Variants in SH2D2A observed in about 807,000 individuals in gnomAD.
SH2D2A encodes the protein SH2 domain-containing protein 2A.
Under a neutral mutation model 43.6 loss-of-function variants are expected in SH2D2A, and 33 were observed. The ratio of observed to expected loss-of-function variants is 0.76; its 90% CI spans 0.57 to 1.01. The LOEUF is 1.01. SH2D2A is among the 50% of genes least tolerant of loss of function. The pLI, the probability that SH2D2A is intolerant of heterozygous loss-of-function variation, is 0.00. For synonymous variants in SH2D2A, 212 were observed against 206.1 expected, an observed-to-expected ratio of 1.03 and a Z score of -0.25; for missense variants, 491 against 503.1, an observed-to-expected ratio of 0.98 and a Z score of 0.23.
At position 156,809,606 on chromosome 1, in the gene SH2D2A, C is replaced by T. The variant is rs1571611805; in HGVS notation, c.714+55G>A. The T allele has an allele frequency of 6.4e-7, 1 of 1,573,622 alleles. No homozygotes were observed. Among genetic ancestry groups the T allele is most frequent in the Non-Finnish European group, 8.6e-7 (1 of 1,161,150 alleles). On this transcript the variant is annotated intron_variant, in intron 6 of 8. Coordinates refer to ENST00000368199, the MANE Select transcript of SH2D2A (RefSeq NM_003975.4). This position sits in a 1 kb window ranked among gnomAD's most constrained non-coding sequence, Gnocchi z 4.8. ...CTAGGCCCCTCCTCCTCCCCGCTGC[C>T]TGCACCCCCTCGCAGGCCTGTCCTC...
Position 156,807,666 on chromosome 1 carries a change from G to A in SH2D2A, c.1003-321C>T, listed in dbSNP as rs1211953384. Among the ~76,000 whole-genome samples, 1 of 152,212 alleles carries A rather than the reference G, an allele frequency of 6.6e-6. No individual in the cohort carries two copies. Among genetic ancestry groups the A allele is most frequent in the Non-Finnish European group, 1.5e-5 (1 of 68,042 alleles). On this transcript the variant is annotated intron_variant, in intron 7 of 8. Transcript: ENST00000368199. The surrounding 1 kb of genome is among the most constrained non-coding windows in gnomAD (Gnocchi z 5.1). ...CAGTGGCATGGCAGGTGTGTGTAAG[G>A]CACAGGGGGTGGCCTCTGAGAAGGG...
intron 1 of SH2D2A, 24 bp from the exon 2 acceptor site, chr1:156,816,118 G>A (rs779560691): frequency 3.0e-5 from 48 of 1,600,822 alleles, no homozygotes; most frequent in South Asian, 9.1e-5. Flanking sequence ...GAGGGCTGCC[G>A]GGGTTTCTCA....
At chr1:156,806,748 G>C (rs1652993735) in intron 8 of SH2D2A, among the ~76,000 whole-genome samples, 175 bp from the exon 9 acceptor site, 1 of 152,208 alleles carries the variant, frequency 6.6e-6, no homozygotes, top group African/African-American at 2.4e-5. Context: ...ACTAAACAGG[G>C]AATCAGGAAG....
rs1242388204 is a variant in SH2D2A at position 156,807,607 on chromosome 1, AAG to A, written c.1003-264_1003-263del. Among the ~76,000 whole-genome samples, 3 of 152,140 alleles carry A rather than the reference AAG, an allele frequency of 2.0e-5. No homozygotes were observed. The highest frequency in any genetic ancestry group is 2.9e-5 in the Non-Finnish European group (2 of 68,022). ...TCTAAACTAGGGAAGGGACAGAGAG[AAG>A]GAGATGGGAGGAGATGGATGTCTCA... On this transcript the variant is annotated intron_variant, in intron 7 of 8. Transcript: ENST00000368199. This position sits in a 1 kb window ranked among gnomAD's most constrained non-coding sequence, Gnocchi z 5.1.
In SH2D2A at chr1:156,807,254, G is replaced by T; in HGVS notation, c.1094C>A (p.Thr365Asn). The change falls in exon 8 of 9, where the codon ACC (threonine) becomes AAC (asparagine). Residue 365 changes from threonine to asparagine, a missense_variant. By Grantham distance (65) the Thr-to-Asn change is moderately conservative. Transcript: ENST00000368199. This position sits in a 1 kb window ranked among gnomAD's most constrained non-coding sequence, Gnocchi z 5.1. Reference sequence around the variant, plus strand: ...CTGTCTAGAAAGATTGTGGGGGAGGGTGTGTCTCCAGGCGGGTGGGGGCTG... The same window carrying T: ...CTGTCTAGAAAGATTGTGGGGGAGGTTGTGTCTCCAGGCGGGTGGGGGCTG... ...PHQPPPAWRH[T>N]LPHNLSRQVL... 1 of 1,588,030 alleles carries T rather than the reference G, an allele frequency of 6.3e-7. No homozygotes were observed.
At chr1:156,808,523 C>G (rs900478057) in intron 7 of SH2D2A, among the ~76,000 whole-genome samples, 2 of 152,000 alleles carry the variant, frequency 1.3e-5, no homozygotes, top group African/African-American at 4.8e-5. Context: ...GCCTGGGGCA[C>G]CAGCAAGGAG....
Position 156,807,162 on chromosome 1 carries a change from A to G in SH2D2A, c.*3+13T>C. On this transcript the variant is annotated intron_variant, in intron 8 of 8. Coordinates refer to ENST00000368199, the MANE Select transcript of SH2D2A (RefSeq NM_003975.4). The surrounding 1 kb of genome is among the most constrained non-coding windows in gnomAD (Gnocchi z 5.1). Reference sequence around the variant, plus strand: ...CTGATGCTCCAAGTTATCCTCACCAAGCTCAGACTTACCGCCTACTGAGGA... The same window carrying G: ...CTGATGCTCCAAGTTATCCTCACCAGGCTCAGACTTACCGCCTACTGAGGA... 1 of 1,611,458 alleles carries G rather than the reference A, an allele frequency of 6.2e-7. No individual in the cohort carries two copies. Among genetic ancestry groups the G allele is most frequent in the African/African-American group, 1.3e-5 (1 of 74,898 alleles).
intron 1 of SH2D2A, among the ~76,000 whole-genome samples, chr1:156,816,368 G>T (rs1483878876): frequency 2.0e-5 from 3 of 152,158 alleles, no homozygotes; most frequent in African/African-American, 7.2e-5. Flanking sequence ...GGTCAGGGAG[G>T]CAGATCACTT....
intron 5 of SH2D2A, among the ~76,000 whole-genome samples, chr1:156,813,104 G>C (rs780118741): frequency 6.6e-6 from 1 of 152,146 alleles, no homozygotes; most frequent in South Asian, 2.1e-4. Flanking sequence ...CTTGTTCATG[G>C]GTCTGTTCTC....
chr1:156,814,018 T>C lies in SH2D2A; in HGVS notation c.399-2A>G. ...AAGTGGCGGCAGCAAGTCCGGCTCCTGGAGGGCGCCGTTAGGGATCAGACT... is the reference window on the plus strand; with the variant it reads ...AAGTGGCGGCAGCAAGTCCGGCTCCCGGAGGGCGCCGTTAGGGATCAGACT... On this transcript the variant is annotated splice_acceptor_variant, in intron 4 of 8. Transcript: ENST00000368199. LOFTEE classifies it high-confidence loss of function. The C allele has an allele frequency of 6.6e-7, 1 of 1,504,260 alleles. No homozygotes were observed. Among genetic ancestry groups the C allele is most frequent in the Non-Finnish European group, 8.9e-7 (1 of 1,125,518 alleles). The allele number at this position is 1,504,260 out of a possible 1,614,324, so 93.2% of individuals were successfully genotyped here. A position where few individuals can be genotyped will look rare whatever the true frequency, so the allele number is the denominator to read the frequency against.
chr1:156,813,913 G>A lies in SH2D2A; in HGVS notation c.502C>T (p.Leu168=), dbSNP rs1480133383. ...SAHARLQDLL[L]HYTAHPLSPY... ...CTGAGCGGGTGCGCGGTGTAGTGCA[G>A]CAGCAGGTCCTGCAGCCGCGCGTGG... Residue 168 remains leucine (L), a synonymous_variant, in exon 5 of 9, where the codon CTG becomes TTG. Coordinates refer to ENST00000368199, the MANE Select transcript of SH2D2A (RefSeq NM_003975.4). 4.5e-6 allele frequency: 7 copies of A among 1,545,762 alleles called. No homozygotes were observed. The Admixed American group carries it at 1.2e-4, about 26-fold the overall frequency.
chr1:156,807,206 G>A lies in SH2D2A; in HGVS notation c.1142C>T (p.Ala381Val), dbSNP rs1215762897. Residue 381 changes from alanine to valine, a missense_variant, in exon 8 of 9, where the codon GCA (alanine) becomes GTA (valine). By Grantham distance (64) the Ala-to-Val change is moderately conservative. Coordinates refer to ENST00000368199, the MANE Select transcript of SH2D2A (RefSeq NM_003975.4). This position sits in a 1 kb window ranked among gnomAD's most constrained non-coding sequence, Gnocchi z 5.1. ...CTGAGGAGGCCCAAGGGGAAGCCAT[G>A]CCTGTCCTCTGTCCTGAAGCACCTG... Reference protein sequence around the residue: ...SRQVLQDRGQAWLPLGPPQ With the variant: ...SRQVLQDRGQVWLPLGPPQ The A allele has an allele frequency of 2.5e-6, 4 of 1,609,704 alleles. No individual in the cohort carries two copies. In the Admixed American group the frequency reaches 5.0e-5, roughly 20 times the overall value.
At chr1:156,816,145 G>A in intron 1 of SH2D2A, 51 bp from the exon 2 acceptor site, 7 of 1,561,284 alleles carry the variant, frequency 4.5e-6, no homozygotes, top group Non-Finnish European at 6.1e-6. Context: ...AACTATGTCT[G>A]TCTCTGCCTC....
rs1653065865 is a variant in SH2D2A at position 156,807,669 on chromosome 1, CAG to C, written c.1003-326_1003-325del. 6.6e-6 allele frequency among the ~76,000 whole-genome samples: 1 copy of C among 152,188 alleles called. No individual in the cohort carries two copies. The highest frequency in any genetic ancestry group is 1.5e-5 in the Non-Finnish European group (1 of 68,030). On this transcript the variant is annotated intron_variant, in intron 7 of 8. Coordinates refer to ENST00000368199, the MANE Select transcript of SH2D2A (RefSeq NM_003975.4). This position sits in a 1 kb window ranked among gnomAD's most constrained non-coding sequence, Gnocchi z 5.1. Reference sequence around the variant, plus strand: ...TGGCATGGCAGGTGTGTGTAAGGCACAGGGGGTGGCCTCTGAGAAGGGAAAGC... The same window carrying C: ...TGGCATGGCAGGTGTGTGTAAGGCACGGGGTGGCCTCTGAGAAGGGAAAGC...
Position 156,809,785 on chromosome 1 carries a change from G to T in SH2D2A, c.590C>A (p.Ser197Tyr). 6.2e-7 allele frequency: 1 copy of T among 1,613,960 alleles called. No individual in the cohort carries two copies. Among genetic ancestry groups the T allele is most frequent in the Non-Finnish European group, 8.5e-7 (1 of 1,179,874 alleles). The stretch of plus-strand genomic sequence containing the variant: ...AAAGTTTGATTCTTCGGTCCTCAGG[G>T]AAAGTCCTGCAGGCTCAGGAGTCTG... ...ARQTPEPAGL[S>Y]LRTEESNFGS... is the part of the protein sequence containing the mutation. The change falls in exon 6 of 9, where the codon TCC (serine) becomes TAC (tyrosine). Residue 197 changes from serine (S) to tyrosine (Y), a missense_variant. By Grantham distance (144) the Ser-to-Tyr change is moderately radical (BLOSUM62 -2). Transcript: ENST00000368199. The surrounding 1 kb of genome is among the most constrained non-coding windows in gnomAD (Gnocchi z 4.8).
intron 1 of SH2D2A, 57 bp from the exon 2 acceptor site, chr1:156,816,151 G>A (rs1653907441): frequency 6.5e-7 from 1 of 1,549,202 alleles, no homozygotes. Flanking sequence ...GTCTGTCTCT[G>A]CCTCCCACCC....
Position 156,815,080 on chromosome 1 carries a change from G to C in SH2D2A, c.265C>G (p.His89Asp). The change falls in exon 3 of 9, where the codon CAC (histidine) becomes GAC (aspartate). Residue 89 changes from histidine (H) to aspartate (D), a missense_variant. Coordinates refer to ENST00000368199, the MANE Select transcript of SH2D2A (RefSeq NM_003975.4). The part of the protein sequence containing the change: ...QKTQAHWLLQ[H>D]GAAPAWFHGF... ...TGGAACCAGGCAGGGGCTGCCCCGTGCTGCAGGAGCCAGTGGGCCTGGGTC... is the reference window on the plus strand; with the variant it reads ...TGGAACCAGGCAGGGGCTGCCCCGTCCTGCAGGAGCCAGTGGGCCTGGGTC... The C allele has an allele frequency of 2.5e-6, 4 of 1,604,806 alleles. No homozygotes were observed. The highest frequency in any genetic ancestry group is 3.4e-6 in the Non-Finnish European group (4 of 1,175,508).
At chr1:156,814,330 C>G in intron 3 of SH2D2A, 36 bp from the exon 4 acceptor site, 4 of 1,600,898 alleles carry the variant, frequency 2.5e-6, no homozygotes, top group Non-Finnish European at 3.4e-6. Context: ...GAACCCTGCT[C>G]TGACACTTCC....
At chr1:156,806,889 C>T (rs1297721265) in intron 8 of SH2D2A, among the ~76,000 whole-genome samples, 1 of 152,192 alleles carries the variant, frequency 6.6e-6, no homozygotes, top group Non-Finnish European at 1.5e-5. Context: ...CGCTCTTACC[C>T]GTGGCAGACA....
Sources: gnomAD v4.1 joint callset for allele counts (sites outside exome capture counted in the v4.1 genomes callset) on GRCh38, gnomAD v4.1.1 for gene constraint, Gnocchi (gnomAD v3.1) non-coding constraint, MANE v1.5 for transcripts, NCBI Gene and HGNC (gene_info 2026-07-23, HGNC 2026-07-21) for gene names.